The following STARD9 variants were observed in gnomAD, a reference collection of about 807,000 sequenced individuals.
STARD9 encodes the protein StAR related lipid transfer domain containing 9, also known as stAR-related lipid transfer protein 9.
STARD9 carries 346 observed loss-of-function variants against 399.8 expected under a neutral mutation model. The ratio of observed to expected loss-of-function variants is 0.87; its 90% CI spans 0.79 to 0.95. The LOEUF is 0.95. Among genes scored for constraint, STARD9 ranks in the 40% least tolerant of loss-of-function variants. STARD9 has a pLI of 0.00. For missense variants in STARD9, 5,832 were observed against 5,667.5 expected, an observed-to-expected ratio of 1.03 and a Z score of -0.93; for synonymous variants, 2,203 against 2,143.5, an observed-to-expected ratio of 1.03 and a Z score of -0.77.
chr15:42,644,860 T>G (rs2059616821), intron 7 of STARD9, among the ~76,000 whole-genome samples: 1 of 152,224 alleles, frequency 6.6e-6, no homozygotes, highest in Non-Finnish European at 1.5e-5. Context: ...TGTTTCATTT[T>G]TTTGTCATTT....
At chr15:42,663,075 CAA>C in intron 11 of STARD9, 184 bp downstream of exon 11, 1 of 700,296 alleles carries the variant, frequency 1.4e-6, no homozygotes, top group Non-Finnish European at 2.3e-6. Context: ...CATCATTTCT[CAA>C]AGAGGGGAGT....
chr15:42,711,387 C>T (rs564947405), intron 26 of STARD9, among the ~76,000 whole-genome samples: 7 of 152,300 alleles, frequency 4.6e-5, no homozygotes, highest in African/African-American at 7.2e-5. Context: ...GTGATCCACT[C>T]GCTTCAGCCT....
chr15:42,693,370 A>G lies in STARD9; in HGVS notation c.11792A>G (p.His3931Arg), dbSNP rs1398757555. 6.5e-7 allele frequency: 1 copy of G among 1,537,096 alleles called. No homozygotes were observed. Among genetic ancestry groups the G allele is most frequent in the Middle Eastern group, 1.7e-4 (1 of 5,990 alleles). ...CCTTCAACTCACCCTGTTGAAGGCC[A>G]CCAGAAGCTTGACTCCAGCCCAGAC... ...SAPSTHPVEG[H>R]QKLDSSPDPV... Residue 3931 changes from histidine (H) to arginine (R), a missense_variant, in exon 23 of 33, where the codon CAC (histidine) becomes CGC (arginine). Coordinates refer to ENST00000290607, the MANE Select transcript of STARD9 (RefSeq NM_020759.3).
In STARD9 at chr15:42,720,160, C is replaced by G. The variant is rs1058847; in HGVS notation, c.*586C>G. 1 of 152,298 alleles carries G rather than the reference C, an allele frequency of 6.6e-6. No individual in the cohort carries two copies. The highest frequency in any genetic ancestry group is 1.5e-5 in the Non-Finnish European group (1 of 68,120). The allele number at this position is 152,298 out of a possible 1,614,324, so 9.4% of individuals were successfully genotyped here. On this transcript the variant is annotated 3_prime_UTR_variant, in exon 33 of 33. Coordinates refer to ENST00000290607, the MANE Select transcript of STARD9 (RefSeq NM_020759.3). ...CAAAATACTTTATTATTGATTTTTG[C>G]TTTTTTTCTCCCTTTCCCTCCCAGG... is the stretch of plus-strand genomic sequence containing the variant.
At chr15:42,581,539 G>T in intron 1 of STARD9, 1 of 1,244,660 alleles carries the variant, frequency 8.0e-7, no homozygotes, top group Non-Finnish European at 1.1e-6. Flanking sequence ...CGGCGGCGCC[G>T]GGCCGGTCTG....
chr15:42,625,931 T>C, intron 3 of STARD9, among the ~76,000 whole-genome samples: 1 of 152,040 alleles, frequency 6.6e-6, no homozygotes, highest in East Asian at 1.9e-4. Context: ...TTTATTTATT[T>C]ATCTTTTTGA....
Position 42,686,379 on chromosome 15 carries a change from C to T in STARD9, c.4801C>T (p.Arg1601Ter), listed in dbSNP as rs1203890651. The change falls in exon 23 of 33, where the codon CGA becomes TGA. Residue 1601 changes from arginine to a stop codon, truncating the protein, a stop_gained. Transcript: ENST00000290607. LOFTEE classifies it high-confidence loss of function. ...AGACTTAGAATCATTGTCTGCTTCT[C>T]GATCTACAAATGCACAGGTCTTTGC... The part of the protein sequence containing the change: ...SADLESLSAS[R>*]STNAQVFATE... 8 of 1,537,422 alleles carry T rather than the reference C, an allele frequency of 5.2e-6. No individual in the cohort carries two copies. The highest frequency in any genetic ancestry group is 1.2e-5 in the South Asian group (1 of 84,044).
chr15:42,696,060 T>C (rs1450868969), intron 26 of STARD9, among the ~76,000 whole-genome samples, 180 bp downstream of exon 26: 1 of 152,262 alleles, frequency 6.6e-6, no homozygotes, highest in Non-Finnish European at 1.5e-5. Context: ...CCCCTGCTCC[T>C]TCTGTTCATT....
chr15:42,684,896 C>T lies in STARD9; in HGVS notation c.3318C>T (p.Asn1106=). Residue 1106 remains asparagine (N), a synonymous_variant, in exon 23 of 33, where the codon AAC becomes AAT. Coordinates refer to ENST00000290607, the MANE Select transcript of STARD9 (RefSeq NM_020759.3). ...ATGATTTATCTGACACAGATAGCAA[C>T]TACTCATTGGATTCTCTCTCATGTG... ...KDNDLSDTDS[N]YSLDSLSCVY... 1 of 1,537,098 alleles carries T rather than the reference C, an allele frequency of 6.5e-7. No homozygotes were observed. The highest frequency in any genetic ancestry group is 1.7e-4 in the Middle Eastern group (1 of 5,990).
intron 5 of STARD9, 31 bp from the exon 6 acceptor site, chr15:42,637,995 C>T: frequency 1.3e-6 from 2 of 1,537,286 alleles, no homozygotes; most frequent in East Asian, 2.4e-5. Flanking sequence ...ACAATTCCTA[C>T]AATGAAACCC....
intron 9 of STARD9, among the ~76,000 whole-genome samples, chr15:42,654,241 T>G (rs1209856915): frequency 6.6e-6 from 1 of 152,182 alleles, no homozygotes; most frequent in Non-Finnish European, 1.5e-5. Context: ...TGGATGGTTC[T>G]GAGCACATCA....
At chr15:42,602,892 A>G (rs948178615) in intron 3 of STARD9, among the ~76,000 whole-genome samples, 9 of 152,188 alleles carry the variant, frequency 5.9e-5, no homozygotes. Context: ...TTAGGCGTGG[A>G]AAGTCTAGGG....
intron 3 of STARD9, among the ~76,000 whole-genome samples, chr15:42,620,358 G>A (rs889662146): frequency 6.6e-6 from 1 of 151,388 alleles, no homozygotes; most frequent in Non-Finnish European, 1.5e-5. Flanking sequence ...GCTCGCACCT[G>A]TATTCCCAGC....
rs141161691 is a variant in STARD9 at position 42,699,809 on chromosome 15, C to T, written c.13284+3929C>T. The stretch of plus-strand genomic sequence containing the variant: ...GCAACCTCCGTCTCCCGGGTTCAAG[C>T]GATTCTCATGCCTCAGCTTCCCAAG... On this transcript the variant is annotated intron_variant, in intron 26 of 32. Transcript: ENST00000290607. Among the ~76,000 whole-genome samples the T allele has an allele frequency of 4.4e-3, 673 of 152,140 alleles. 12 individuals carry two copies. The East Asian group carries it at 0.052, about 12-fold the overall frequency.
At chr15:42,602,012 C>T (rs995057090) in intron 3 of STARD9, among the ~76,000 whole-genome samples, 6 of 152,134 alleles carry the variant, frequency 3.9e-5, no homozygotes, top group Admixed American at 2.0e-4. Context: ...ACGCCCGGCT[C>T]GTTTTTATAT....
At chr15:42,588,705 G>GGAATCTA (rs1471177421) in intron 3 of STARD9, among the ~76,000 whole-genome samples, 2 of 147,690 alleles carry the variant, frequency 1.4e-5, no homozygotes, top group African/African-American at 5.0e-5. Flanking sequence ...TAAGAAAGGT[G>GGAATCTA]GAATCTATAC....
rs7167971 is a variant in STARD9, at chr15:42,620,257, A to G, written c.235-14599A>G. On this transcript the variant is annotated intron_variant, in intron 3 of 32. Transcript: ENST00000290607. Reference sequence around the variant, plus strand: ...CAGAGGTTCAAGTTGCCCTGAATATACACTCCAATTAGCAGCAGTTATAAG... The same window carrying G: ...CAGAGGTTCAAGTTGCCCTGAATATGCACTCCAATTAGCAGCAGTTATAAG... Among the ~76,000 whole-genome samples the G allele has an allele frequency of 8.1e-3, 1,233 of 152,120 alleles. 11 individuals are homozygous for G. Among genetic ancestry groups the G allele is most frequent in the African/African-American group, 0.028 (1,177 of 41,486 alleles).
chr15:42,641,172 A>G (rs1178710238), intron 7 of STARD9, among the ~76,000 whole-genome samples: 1 of 152,204 alleles, frequency 6.6e-6, no homozygotes, highest in Non-Finnish European at 1.5e-5. Flanking sequence ...TCAGGATTCA[A>G]ATCTCAGGGT....
intron 24 of STARD9, 72 bp from the exon 25 acceptor site, chr15:42,695,068 G>C (rs1306837660): frequency 7.8e-7 from 1 of 1,276,410 alleles, no homozygotes; most frequent in African/African-American, 1.5e-5. Flanking sequence ...TATCACCCAA[G>C]CTAGCCTTGG....
Sources: allele counts gnomAD v4.1 joint callset (sites outside exome capture counted in the v4.1 genomes callset), GRCh38; gene constraint gnomAD v4.1.1; transcripts MANE v1.5; gene names NCBI Gene and HGNC (gene_info 2026-07-23, HGNC 2026-07-21).